Variants in MBOAT1 observed in about 807,000 individuals in gnomAD.
MBOAT1 encodes the protein membrane-bound glycerophospholipid O-acyltransferase 1.
Under a neutral mutation model 64.4 loss-of-function variants are expected in MBOAT1, and 67 were observed. The observed-to-expected ratio is 1.04, with a 90% confidence interval of 0.85 to 1.27. The LOEUF (loss-of-function observed/expected upper bound fraction) is 1.27, where lower values mean the gene tolerates loss of function less well. MBOAT1 is among the 50% of genes most tolerant of loss of function. The probability of loss-of-function intolerance (pLI) is 0.00; values close to 1 mark genes in which losing one functional copy is unlikely to be tolerated. For synonymous variants in MBOAT1, 229 were observed against 218.9 expected (o/e 1.05, Z -0.41); for missense variants, 563 against 604.6 (o/e 0.93, Z 0.72).
chr6:20,164,111 G>GTGTA lies in MBOAT1; in HGVS notation c.100-11343_100-11342insTACA, dbSNP rs530367056. Among the ~76,000 whole-genome samples, 1,027 of 150,874 alleles carry GTGTA rather than the reference G, an allele frequency of 6.8e-3. 14 individuals carry two copies. Among genetic ancestry groups the GTGTA allele is most frequent in the African/African-American group, 0.024 (973 of 41,120 alleles). ...TATATACTTATGTTTACTATATAAT[G>GTGTA]TGTGTGTATAAAATCTATATATAAT... On this transcript the variant is annotated intron_variant, in intron 1 of 12. Coordinates refer to ENST00000324607, the MANE Select transcript of MBOAT1 (RefSeq NM_001080480.3).
chr6:20,140,120 G>A (rs1761127875), intron 4 of MBOAT1, among the ~76,000 whole-genome samples: 1 of 152,160 alleles, frequency 6.6e-6, no homozygotes, highest in Admixed American at 6.5e-5. Context: ...GTAAAAGAAA[G>A]TAAAGATGCT....
intron 4 of MBOAT1, among the ~76,000 whole-genome samples, chr6:20,135,124 C>A (rs1760944961): frequency 6.6e-6 from 1 of 152,064 alleles, no homozygotes; most frequent in South Asian, 2.1e-4. Flanking sequence ...AGGATCCAAT[C>A]ATAGGATCCA....
chr6:20,109,665 G>C lies in MBOAT1; in HGVS notation c.1294C>G (p.Leu432Val), dbSNP rs759376183. ...GGTGCTACCGTGTAAGAGACAGCCA[G>C]CTGAGTGACGGCCCAGGTGCCTGCA... Reference protein sequence around the residue: ...YDAGTWAVTQLAVSYTVAPFV... With the variant: ...YDAGTWAVTQVAVSYTVAPFV... Residue 432 changes from leucine to valine, a missense_variant, in exon 12 of 13, where the codon CTG becomes GTG. Coordinates refer to ENST00000324607, the MANE Select transcript of MBOAT1 (RefSeq NM_001080480.3). 1 of 1,614,088 alleles carries C rather than the reference G, an allele frequency of 6.2e-7. No homozygotes were observed. Among genetic ancestry groups the C allele is most frequent in the East Asian group, 2.2e-5 (1 of 44,892 alleles).
chr6:20,159,430 A>G (rs1452046241), intron 1 of MBOAT1, among the ~76,000 whole-genome samples: 2 of 152,156 alleles, frequency 1.3e-5, no homozygotes, highest in Admixed American at 6.5e-5. Context: ...TAGATGCACA[A>G]TGGAATACTA....
chr6:20,151,602 G>A (rs1388975881), intron 2 of MBOAT1, among the ~76,000 whole-genome samples: 2 of 152,058 alleles, frequency 1.3e-5, no homozygotes, highest in Non-Finnish European at 2.9e-5. Context: ...CCAAGATACC[G>A]AGACTTCTAC....
intron 9 of MBOAT1, among the ~76,000 whole-genome samples, chr6:20,116,342 T>A (rs541132570): frequency 1.3e-3 from 194 of 150,888 alleles, no homozygotes; most frequent in African/African-American, 4.3e-3. Flanking sequence ...AAAAAAAAAA[T>A]AAAAATAAAA....
intron 1 of MBOAT1, among the ~76,000 whole-genome samples, chr6:20,176,479 GA>G (rs1762345262): frequency 6.6e-6 from 1 of 151,842 alleles, no homozygotes; most frequent in Non-Finnish European, 1.5e-5. Context: ...CCTTCTTCTA[GA>G]AAATAGACAT....
chr6:20,180,842 T>C (rs923536164), intron 1 of MBOAT1, among the ~76,000 whole-genome samples: 10 of 152,238 alleles, frequency 6.6e-5, no homozygotes, highest in African/African-American at 2.4e-4. Flanking sequence ...ATTTAATAAA[T>C]GGCATCTCTT....
intron 1 of MBOAT1, among the ~76,000 whole-genome samples, chr6:20,185,252 A>ACAAT (rs764388208): frequency 7.2e-5 from 11 of 152,278 alleles, no homozygotes; most frequent in Admixed American, 1.3e-4. Context: ...CAAGACCCTG[A>ACAAT]CAATCAATCA....
At chr6:20,198,227 C>CAAA (rs5874758) in intron 1 of MBOAT1, among the ~76,000 whole-genome samples, 1 of 125,614 alleles carries the variant, frequency 8.0e-6, no homozygotes. Flanking sequence ...GACTGTGTCT[C>CAAA]AAAAAAAAAA....
Position 20,144,258 on chromosome 6 carries a change from G to A in MBOAT1, c.381C>T (p.Tyr127=). 6.2e-7 allele frequency: 1 copy of A among 1,613,200 alleles called. No homozygotes were observed. Among genetic ancestry groups the A allele is most frequent in the South Asian group, 1.1e-5 (1 of 90,926 alleles). Residue 127 remains tyrosine, a synonymous_variant, in exon 4 of 13, where the codon TAC becomes TAT. Transcript: ENST00000324607. ...TAGTGAGAATTCCATAGTGGAAGAT[G>A]TATATTCGGCTGATGTGGCATATTG... The part of the protein sequence containing the change: ...YLTICHISRI[Y]IFHYGILTTD...
chr6:20,183,714 C>T (rs912535312), intron 1 of MBOAT1, among the ~76,000 whole-genome samples: 3 of 152,146 alleles, frequency 2.0e-5, no homozygotes, highest in Admixed American at 6.5e-5. Flanking sequence ...CTGGCAAAAC[C>T]CTGCCCAAAA....
At position 20,212,217 on chromosome 6, in the gene MBOAT1, C is replaced by T. The variant is rs768659844; in HGVS notation, c.18G>A (p.Gln6=). 1 of 1,612,570 alleles carries T rather than the reference C, an allele frequency of 6.2e-7. No homozygotes were observed. Among genetic ancestry groups the T allele is most frequent in the South Asian group, 1.1e-5 (1 of 90,944 alleles). Residue 6 remains glutamine (Q), a synonymous_variant, in exon 1 of 13, where the codon CAG becomes CAA. Coordinates refer to ENST00000324607, the MANE Select transcript of MBOAT1 (RefSeq NM_001080480.3). MAAEP[Q]PSSLSYRTTG... is the part of the protein sequence containing the mutation. Reference sequence around the variant, plus strand: ...TGGTGCGGTAGGAAAGGCTGGACGGCTGCGGCTCTGCTGCCATCCTGCATC... The same window carrying T: ...TGGTGCGGTAGGAAAGGCTGGACGGTTGCGGCTCTGCTGCCATCCTGCATC...
intron 1 of MBOAT1, among the ~76,000 whole-genome samples, chr6:20,182,373 A>C (rs1762535777): frequency 6.6e-6 from 1 of 152,182 alleles, no homozygotes; most frequent in South Asian, 2.1e-4. Flanking sequence ...CCACCTCTTA[A>C]TATTATTGCA....
rs200600972 is a variant in MBOAT1, at chr6:20,112,920, A to G, written c.1165T>C (p.Phe389Leu). The stretch of plus-strand genomic sequence containing the variant: ...ACAAGAATTCCAGTTAAGAAGGTAA[A>G]ATAGTATCCAGGGTAGACACCATGC... ...LWHGVYPGYY[F>L]TFLTGILVTL... Residue 389 changes from phenylalanine (F) to leucine (L), a missense_variant, in exon 11 of 13, where the codon TTT becomes CTT. Transcript: ENST00000324607. 2 of 1,614,184 alleles carry G rather than the reference A, an allele frequency of 1.2e-6. No individual in the cohort carries two copies. Among genetic ancestry groups the G allele is most frequent in the Middle Eastern group, 1.6e-4 (1 of 6,062 alleles).
intron 1 of MBOAT1, among the ~76,000 whole-genome samples, chr6:20,186,186 C>G (rs1762647875): frequency 2.0e-5 from 3 of 152,128 alleles, no homozygotes; most frequent in Admixed American, 2.0e-4. Flanking sequence ...ATCAATCAAT[C>G]AATCAGTCAG....
At position 20,212,284 on chromosome 6, in the gene MBOAT1, T is replaced by C; in HGVS notation, c.-50A>G. The C allele has an allele frequency of 6.5e-7, 1 of 1,545,546 alleles. No individual in the cohort carries two copies. Among genetic ancestry groups the C allele is most frequent in the South Asian group, 1.2e-5 (1 of 86,410 alleles). ...CCCTGTCCCAGCCCGCAACACCCCC[T>C]GCTCGGCGTCCTCCCGCCCGGGTGC... On this transcript the variant is annotated 5_prime_UTR_variant, in exon 1 of 13. Coordinates refer to ENST00000324607, the MANE Select transcript of MBOAT1 (RefSeq NM_001080480.3).
At chr6:20,141,140 T>C (rs1761157826) in intron 4 of MBOAT1, among the ~76,000 whole-genome samples, 1 of 151,998 alleles carries the variant, frequency 6.6e-6, no homozygotes, top group Non-Finnish European at 1.5e-5. Flanking sequence ...AAGTAAGAGA[T>C]TTCCAGGTTG....
chr6:20,113,763 A>G (rs2113635439), intron 10 of MBOAT1, among the ~76,000 whole-genome samples: 1 of 152,156 alleles, frequency 6.6e-6, no homozygotes, highest in Non-Finnish European at 1.5e-5. Context: ...TAAGGAAGCC[A>G]CCACCTGGTT....
Sources: gnomAD v4.1 joint callset for allele counts (sites outside exome capture counted in the v4.1 genomes callset) on GRCh38, gnomAD v4.1.1 for gene constraint, MANE v1.5 for transcripts, NCBI Gene and HGNC (gene_info 2026-07-23, HGNC 2026-07-21) for gene names.